Variants in HIVEP2 observed in about 807,000 individuals in gnomAD.
The protein encoded by HIVEP2 is HIVEP zinc finger 2, also known as transcription factor HIVEP2.
HIVEP2 carries 14 observed loss-of-function variants against 180.7 expected under a neutral mutation model. The ratio of observed to expected loss-of-function variants is 0.08; its 90% confidence interval spans 0.05 to 0.12. The LOEUF is 0.12. Ranked by LOEUF, HIVEP2 falls within the 10% of genes least tolerant of loss-of-function variation. HIVEP2 has a pLI of 1.00. For missense variants in HIVEP2, 2,579 were observed against 3,008.5 expected (o/e 0.86, Z 3.34); for synonymous variants, 1,184 against 1,136.4 (o/e 1.04, Z -0.84).
intron 1 of HIVEP2, among the ~76,000 whole-genome samples, chr6:142,871,667 A>G (rs1308907340): frequency 6.6e-6 from 1 of 151,912 alleles, no homozygotes; most frequent in Non-Finnish European, 1.5e-5. Flanking sequence ...CAATGTTTGC[A>G]TTAATACCCT....
chr6:142,772,426 A>G lies in HIVEP2; in HGVS notation c.2313T>C (p.Ser771=), dbSNP rs1775572291. 1.2e-6 allele frequency: 2 copies of G among 1,614,180 alleles called. No individual in the cohort carries two copies. Among genetic ancestry groups the G allele is most frequent in the East Asian group, 4.5e-5 (2 of 44,878 alleles). Residue 771 remains serine (S), a synonymous_variant, in exon 5 of 10, where the codon TCT becomes TCC. Coordinates refer to ENST00000367603, the MANE Select transcript of HIVEP2 (RefSeq NM_006734.4). This position sits in a 1 kb window ranked among gnomAD's most constrained non-coding sequence, Gnocchi z 4.9. ...CRPQLQPGSP[S]LVSEESPSAI... Reference sequence around the variant, plus strand: ...CTGAAGGTGACTCCTCTGACACAAGAGATGGACTTCCAGGCTGCAGTTGGG... The same window carrying G: ...CTGAAGGTGACTCCTCTGACACAAGGGATGGACTTCCAGGCTGCAGTTGGG...
chr6:142,812,430 T>C (rs778510626), intron 2 of HIVEP2, among the ~76,000 whole-genome samples: 6 of 152,194 alleles, frequency 3.9e-5, no homozygotes, highest in Non-Finnish European at 8.8e-5. Flanking sequence ...GACTAAATGC[T>C]GCCCTGGTCC....
At chr6:142,789,773 A>G (rs1318624321) in intron 2 of HIVEP2, among the ~76,000 whole-genome samples, 4 of 152,230 alleles carry the variant, frequency 2.6e-5, no homozygotes, top group African/African-American at 9.6e-5. Flanking sequence ...GAAGTAAAAA[A>G]TGAAGAATTA....
At chr6:142,846,428 G>C (rs186087796) in intron 1 of HIVEP2, among the ~76,000 whole-genome samples, 6 of 152,104 alleles carry the variant, frequency 3.9e-5, no homozygotes, top group African/African-American at 1.4e-4. Flanking sequence ...ACATTCTCCC[G>C]GTCCCCTTAA....
At chr6:142,924,617 C>G (rs1177315682) in intron 1 of HIVEP2, among the ~76,000 whole-genome samples, 1 of 152,200 alleles carries the variant, frequency 6.6e-6, no homozygotes, top group African/African-American at 2.4e-5. Context: ...GTTTTGGTCA[C>G]TGCAAAGGCA....
intron 2 of HIVEP2, among the ~76,000 whole-genome samples, chr6:142,798,018 G>A (rs779548467): frequency 2.0e-5 from 3 of 152,060 alleles, no homozygotes; most frequent in Non-Finnish European, 2.9e-5. Context: ...ACAGTAGCTG[G>A]TGCCTGTCAA....
chr6:142,753,591 C>A lies in HIVEP2; in HGVS notation c.6857G>T (p.Gly2286Val). The stretch of plus-strand genomic sequence containing the variant: ...ACCAGATGACTGCAAAGCGTGAGGA[C>A]CTCGCTTCTCATGCTGCTTAGAAAG... Reference protein sequence around the residue: ...YVLSKQHEKRGPHALQSSGPP... With the variant: ...YVLSKQHEKRVPHALQSSGPP... Residue 2286 changes from glycine to valine, a missense_variant, in exon 10 of 10, where the codon GGT becomes GTT. This residue lies in a region of HIVEP2 where 660 missense variants were observed against 731.7 expected (regional missense o/e 0.90). Coordinates refer to ENST00000367603, the MANE Select transcript of HIVEP2 (RefSeq NM_006734.4). 3 of 1,613,976 alleles carry A rather than the reference C, an allele frequency of 1.9e-6. No homozygotes were observed. The highest frequency in any genetic ancestry group is 2.5e-6 in the Non-Finnish European group (3 of 1,179,902).
At chr6:142,800,577 A>T (rs982571876) in intron 2 of HIVEP2, among the ~76,000 whole-genome samples, 9 of 152,200 alleles carry the variant, frequency 5.9e-5, no homozygotes, top group Non-Finnish European at 2.9e-5. Flanking sequence ...TTTGATGAGA[A>T]TGATTTAGTT....
At chr6:142,921,442 C>T (rs1040863195) in intron 1 of HIVEP2, among the ~76,000 whole-genome samples, 7 of 152,000 alleles carry the variant, frequency 4.6e-5, no homozygotes, top group Admixed American at 1.3e-4. Flanking sequence ...GGCTGAGGCA[C>T]GAGAATCGCT....
chr6:142,787,642 G>A (rs1200444682), intron 2 of HIVEP2, among the ~76,000 whole-genome samples: 2 of 151,262 alleles, frequency 1.3e-5, no homozygotes, highest in African/African-American at 2.4e-5. Flanking sequence ...AGGAAGAAGA[G>A]GCTGCGAAGG....
Position 142,914,152 on chromosome 6 carries a change from G to A in HIVEP2, c.-641+30947C>T, listed in dbSNP as rs143849045. 3.3e-5 allele frequency among the ~76,000 whole-genome samples: 5 copies of A among 152,264 alleles called. No homozygotes were observed. In the East Asian group the frequency reaches 9.7e-4, roughly 29 times the overall value. On this transcript the variant is annotated intron_variant, in intron 1 of 9. Coordinates refer to ENST00000367603, the MANE Select transcript of HIVEP2 (RefSeq NM_006734.4). ...GGGCAAGCAACTGACCCTTCTTGGTGCCCCCATTTTCTCACATGTCAGCCA... is the reference window on the plus strand; with the variant it reads ...GGGCAAGCAACTGACCCTTCTTGGTACCCCCATTTTCTCACATGTCAGCCA...
chr6:142,898,409 C>T (rs189101121), intron 1 of HIVEP2, among the ~76,000 whole-genome samples: 1 of 152,148 alleles, frequency 6.6e-6, no homozygotes, highest in African/African-American at 2.4e-5. Context: ...CACCTGTAAT[C>T]CCAACATTTT....
chr6:142,796,940 C>A (rs962195436), intron 2 of HIVEP2, among the ~76,000 whole-genome samples: 1 of 152,168 alleles, frequency 6.6e-6, no homozygotes, highest in Non-Finnish European at 1.5e-5. Flanking sequence ...ACAGCAGGTA[C>A]AACAGTTAGT....
chr6:142,904,870 C>T (rs1249628959), intron 1 of HIVEP2, among the ~76,000 whole-genome samples: 1 of 152,126 alleles, frequency 6.6e-6, no homozygotes, highest in African/African-American at 2.4e-5. Context: ...CTATTATTAT[C>T]AGTTAAGTAA....
chr6:142,850,540 C>T (rs1160254530), intron 1 of HIVEP2, among the ~76,000 whole-genome samples: 1 of 152,224 alleles, frequency 6.6e-6, no homozygotes, highest in Non-Finnish European at 1.5e-5. Flanking sequence ...ACTTAAATCT[C>T]TTATTGTGAA....
chr6:142,753,987 A>G, intron 9 of HIVEP2, 56 bp from the exon 10 acceptor site: 2 of 913,726 alleles, frequency 2.2e-6, no homozygotes, highest in Non-Finnish European at 3.4e-6. Flanking sequence ...CTTCATTCTT[A>G]GGTCAAGCTG....
intron 1 of HIVEP2, among the ~76,000 whole-genome samples, chr6:142,908,170 C>T (rs1464885289): frequency 6.6e-6 from 1 of 152,186 alleles, no homozygotes; most frequent in African/African-American, 2.4e-5. Context: ...TTCACTCATG[C>T]CACCATTTAT....
At chr6:142,816,052 G>A (rs1012068015) in intron 2 of HIVEP2, among the ~76,000 whole-genome samples, 17 of 152,140 alleles carry the variant, frequency 1.1e-4, no homozygotes, top group Non-Finnish European at 1.6e-4. Flanking sequence ...GCATGCAGGT[G>A]AAAATTTAAA....
At chr6:142,942,348 T>A (rs141140696) in intron 1 of HIVEP2, among the ~76,000 whole-genome samples, 2 of 151,882 alleles carry the variant, frequency 1.3e-5, no homozygotes, top group Non-Finnish European at 2.9e-5. Context: ...TTAAATTAAA[T>A]CAGCATAAAA....
Sources: allele counts gnomAD v4.1 joint callset (sites outside exome capture counted in the v4.1 genomes callset), GRCh38; gene constraint gnomAD v4.1.1; regional missense constraint gnomAD v4.1.1; non-coding constraint Gnocchi (gnomAD v3.1); transcripts MANE v1.5; gene names NCBI Gene and HGNC (gene_info 2026-07-23, HGNC 2026-07-21).